The following RABL6 variants were observed in gnomAD, a reference collection of about 807,000 sequenced individuals.
RABL6 encodes the protein RAB, member RAS oncogene family like 6, also known as rab-like protein 6.
A neutral mutation model predicts 72.9 loss-of-function variants in RABL6; 28 were observed. The observed-to-expected ratio is 0.38, with a 90% CI of 0.28 to 0.53. The LOEUF is 0.53. Among genes scored for constraint, RABL6 ranks in the 20% least tolerant of loss-of-function variants. RABL6 has a pLI of 0.80. For synonymous variants in RABL6, 477 were observed against 421.2 expected (o/e 1.13, Z -1.62); for missense variants, 1,029 against 1,008.4 (o/e 1.02, Z -0.28).
At chr9:136,838,744 A>G (rs1268877951) in intron 10 of RABL6, among the ~76,000 whole-genome samples, 165 bp from the exon 11 acceptor site, 3 of 46,352 alleles carry the variant, frequency 6.5e-5, no homozygotes, top group African/African-American at 1.5e-4. Flanking sequence ...TCCTGCTCAG[A>G]AGCCCTGTGA....
At chr9:136,821,752 G>A in intron 1 of RABL6, 2 of 1,149,720 alleles carry the variant, frequency 1.7e-6, no homozygotes, top group South Asian at 1.6e-5. Context: ...CCGGGCCGCC[G>A]GGCTGGAGGG....
intron 8 of RABL6, 84 bp from the exon 9 acceptor site, chr9:136,837,262 G>A (rs1588372097): frequency 1.4e-6 from 2 of 1,419,780 alleles, no homozygotes; most frequent in South Asian, 1.2e-5. Flanking sequence ...AGCCCCAGCA[G>A]CAGCAGCAGA....
chr9:136,811,153 T>C (rs1267430188), intron 1 of RABL6, among the ~76,000 whole-genome samples: 1 of 152,176 alleles, frequency 6.6e-6, no homozygotes, highest in East Asian at 1.9e-4. Flanking sequence ...GCTCGTGACA[T>C]AGCCCTCAGG....
rs772662040 is a variant in RABL6 at position 136,839,206 on chromosome 9, C to G, written c.1494-16C>G. On this transcript the variant is annotated splice_polypyrimidine_tract_variant and intron_variant, in intron 11 of 14. Transcript: ENST00000311502. ...CCTCCAGAGGACCCTGACTGACCCT[C>G]TGCTTGTCCACAAAGGTCCTCCATA... 12 of 1,595,172 alleles carry G rather than the reference C, an allele frequency of 7.5e-6. No individual in the cohort carries two copies. The East Asian group carries it at 1.1e-4, about 15-fold the overall frequency.
At chr9:136,818,803 A>G (rs939683781) in intron 1 of RABL6, among the ~76,000 whole-genome samples, 2 of 152,132 alleles carry the variant, frequency 1.3e-5, no homozygotes, top group Non-Finnish European at 2.9e-5. Context: ...GGTGATCATG[A>G]TTTATATAGG....
intron 1 of RABL6, among the ~76,000 whole-genome samples, chr9:136,819,957 C>G (rs1379112091): frequency 1.3e-5 from 2 of 152,104 alleles, no homozygotes; most frequent in African/African-American, 4.8e-5. Flanking sequence ...AATCCTAGCA[C>G]TTTAGGAGGC....
intron 2 of RABL6, among the ~76,000 whole-genome samples, chr9:136,824,328 T>G (rs1848305898): frequency 2.6e-4 from 3 of 11,362 alleles, no homozygotes; most frequent in African/African-American, 5.8e-4. Context: ...TTGGTTGGGT[T>G]TTTTTTTTTT....
Position 136,832,343 on chromosome 9 carries a change from C to G in RABL6, c.678C>G (p.Phe226Leu). Residue 226 changes from phenylalanine (F) to leucine (L), a missense_variant, in exon 7 of 15, where the codon TTC becomes TTG. Phe to Leu is a conservative substitution (Grantham distance 22). Coordinates refer to ENST00000311502, the MANE Select transcript of RABL6 (RefSeq NM_024718.5). ...TCGGCCTAAAGTACCTTCATAAGTT[C>G]TTCAATATCCCATTTTTGCAGCTTC... ...NSFGLKYLHK[F>L]FNIPFLQLQR... 6.2e-7 allele frequency: 1 copy of G among 1,613,784 alleles called. No homozygotes were observed. The highest frequency in any genetic ancestry group is 8.5e-7 in the Non-Finnish European group (1 of 1,179,702).
intron 7 of RABL6, chr9:136,832,788 G>A (rs995773878): frequency 1.5e-4 from 50 of 330,034 alleles, no homozygotes; most frequent in Non-Finnish European, 2.6e-4. Context: ...AGTCACCGAG[G>A]TACTCGCTGT....
chr9:136,831,718 G>A lies in RABL6; in HGVS notation c.459-3G>A, dbSNP rs749047265. On this transcript the variant is annotated splice_region_variant and splice_polypyrimidine_tract_variant and intron_variant, in intron 5 of 14. Transcript: ENST00000311502. Reference sequence around the variant, plus strand: ...TAAGCCAGGTCCTCACCTGTTCTCCGAGGACCTTCAATTACATTCTCCGGG... The same window carrying A: ...TAAGCCAGGTCCTCACCTGTTCTCCAAGGACCTTCAATTACATTCTCCGGG... The A allele has an allele frequency of 6.3e-5, 102 of 1,612,990 alleles. No homozygotes were observed. Among genetic ancestry groups the A allele is most frequent in the Middle Eastern group, 1.6e-4 (1 of 6,080 alleles).
Position 136,835,891 on chromosome 9 carries a change from C to T in RABL6, c.809+46C>T, listed in dbSNP as rs757970871. The T allele has an allele frequency of 1.8e-5, 27 of 1,516,052 alleles. No individual in the cohort carries two copies. The highest frequency in any genetic ancestry group is 1.7e-4 in the East Asian group (7 of 40,684). The allele number at this position is 1,516,052 out of a possible 1,614,324, so 93.9% of individuals were successfully genotyped here. ...GTGCGGGCGGTGTGGGGGCTGCGGG[C>T]GTGGCCGTGGTGCAGGGCCATGGGC... On this transcript the variant is annotated intron_variant, in intron 8 of 14. Transcript: ENST00000311502.
intron 1 of RABL6, chr9:136,822,108 G>C (rs563294125): frequency 1.6e-6 from 2 of 1,285,124 alleles, no homozygotes; most frequent in Admixed American, 4.6e-5. Flanking sequence ...AGCCGGGTGG[G>C]GCACAGGGAC....
In RABL6 at chr9:136,831,875, C is replaced by T. The variant is rs763243314; in HGVS notation, c.599+14C>T. The T allele has an allele frequency of 7.5e-6, 12 of 1,601,306 alleles. No individual in the cohort carries two copies. The East Asian group carries it at 2.0e-4, about 27-fold the overall frequency. The stretch of plus-strand genomic sequence containing the variant: ...CAACCTGGACAGGTGGGTGCGGTGG[C>T]CCTGCTCCCGAGGGACCCTGCCCGG... On this transcript the variant is annotated intron_variant, in intron 6 of 14. Transcript: ENST00000311502.
In RABL6 at chr9:136,833,758, C is replaced by T. The variant is rs970398840; in HGVS notation, c.705+1388C>T. The T allele has an allele frequency of 1.7e-5, 27 of 1,550,332 alleles. No individual in the cohort carries two copies. In the African/African-American group the frequency reaches 2.9e-4, roughly 17 times the overall value. On this transcript the variant is annotated intron_variant, in intron 7 of 14. Coordinates refer to ENST00000311502, the MANE Select transcript of RABL6 (RefSeq NM_024718.5). ...TTGCCCAGGAAAGGGGCTGTGCTGT[C>T]GTCCTGGTGTCAGAAGAAGTGAGGA...
In RABL6 at chr9:136,808,166, C is replaced by A; in HGVS notation, c.-31C>A. ...CCCCGCCGCCGCTGAGCTCGCCGGC[C>A]GCGCCCGGGCTGGGACGTCCGAGCG... On this transcript the variant is annotated 5_prime_UTR_variant, in exon 1 of 15. Transcript: ENST00000311502. The A allele has an allele frequency of 6.8e-7, 1 of 1,479,124 alleles. No individual in the cohort carries two copies. Among genetic ancestry groups the A allele is most frequent in the Non-Finnish European group, 9.0e-7 (1 of 1,112,192 alleles). The allele number at this position is 1,479,124 out of a possible 1,614,324, so 91.6% of individuals were successfully genotyped here.
rs929985089 is a variant in RABL6 at position 136,838,101 on chromosome 9, C to T, written c.1280+86C>T. The T allele has an allele frequency of 7.5e-5, 112 of 1,486,092 alleles. 1 individual carries two copies. Among genetic ancestry groups the T allele is most frequent in the Admixed American group, 4.4e-4 (21 of 48,256 alleles). 92.1% of individuals were successfully genotyped at this position (1,486,092 alleles called of 1,614,324 possible). On this transcript the variant is annotated intron_variant, in intron 10 of 14. Coordinates refer to ENST00000311502, the MANE Select transcript of RABL6 (RefSeq NM_024718.5). ...GCAGGTGGGGCTGGCTTTCTAGGGG[C>T]GCAGAAGGGGCCCCCCGCCGGCTGG...
At chr9:136,815,276 T>A (rs1848096747) in intron 1 of RABL6, 1 of 286,216 alleles carries the variant, frequency 3.5e-6, no homozygotes, top group Non-Finnish European at 7.1e-6. Flanking sequence ...GTGTGGCGAC[T>A]GCTTTGCCTG....
intron 7 of RABL6, among the ~76,000 whole-genome samples, chr9:136,834,825 C>T (rs866413455): frequency 1.3e-4 from 19 of 151,504 alleles, no homozygotes; most frequent in Non-Finnish European, 2.2e-4. Flanking sequence ...CAGTGGCTCA[C>T]GCCTATAATC....
At chr9:136,810,681 A>G (rs999105791) in intron 1 of RABL6, among the ~76,000 whole-genome samples, 2 of 152,042 alleles carry the variant, frequency 1.3e-5, no homozygotes, top group African/African-American at 4.8e-5. Flanking sequence ...AGCTGGGACT[A>G]TAGGCACCGG....
Sources: allele counts gnomAD v4.1 joint callset (sites outside exome capture counted in the v4.1 genomes callset), GRCh38; gene constraint gnomAD v4.1.1; transcripts MANE v1.5; gene names NCBI Gene and HGNC (gene_info 2026-07-23, HGNC 2026-07-21).